The following TBC1D14 variants were observed in gnomAD, a reference collection of about 807,000 sequenced individuals.
TBC1D14 encodes TBC1 domain family, member 14.
Under a neutral mutation model 79.0 loss-of-function variants are expected in TBC1D14, and 26 were observed. That is an observed-to-expected ratio of 0.33 (90% CI 0.24 to 0.46). The LOEUF (loss-of-function observed/expected upper bound fraction) is 0.46. Among genes scored for constraint, TBC1D14 ranks in the 20% least tolerant of loss-of-function variants. The pLI is 1.00. For missense variants in TBC1D14, 769 were observed against 887.6 expected (o/e 0.87, Z 1.70); for synonymous variants, 394 against 349.9 (o/e 1.13, Z -1.40).
At chr4:6,919,875 T>C (rs1207797804) in intron 1 of TBC1D14, among the ~76,000 whole-genome samples, 2 of 152,228 alleles carry the variant, frequency 1.3e-5, no homozygotes, top group Non-Finnish European at 2.9e-5. Context: ...CGCCTTGGCC[T>C]CCCAAAGTAC....
At chr4:6,924,253 G>A (rs961862024) in intron 2 of TBC1D14, 142 bp downstream of exon 2, 2 of 1,131,056 alleles carry the variant, frequency 1.8e-6, no homozygotes, top group African/African-American at 1.9e-5. Context: ...TTTCCCAGAA[G>A]CCCGGAATCC....
Position 6,967,372 on chromosome 4 carries a change from G to C in TBC1D14, c.791G>C (p.Gly264Ala), listed in dbSNP as rs769102611. ...KHNDLGWKLF[G>A]KAPLRENAQK... ...AATGACTTGGGATGGAAGTTATTTG[G>C]GAAAGCGCCACTCCGAGAGAATGCC... The change falls in exon 3 of 14, where the codon GGG becomes GCG. Residue 264 changes from glycine (G) to alanine (A), a missense_variant. Physicochemically the swap from Gly to Ala is moderately conservative, Grantham distance 60. Coordinates refer to ENST00000409757, the MANE Select transcript of TBC1D14 (RefSeq NM_020773.3). 6.2e-6 allele frequency: 10 copies of C among 1,614,052 alleles called. No homozygotes were observed. The Admixed American group carries it at 1.7e-4, about 27-fold the overall frequency.
chr4:6,956,130 G>T (rs80270349), intron 2 of TBC1D14, among the ~76,000 whole-genome samples: 7,696 of 152,224 alleles, frequency 0.051, 289 homozygotes, highest in Non-Finnish European at 0.086. Context: ...ACAGATCATA[G>T]CCCCCCGACT....
chr4:6,946,745 C>T (rs1713507655), intron 2 of TBC1D14, among the ~76,000 whole-genome samples: 1 of 152,176 alleles, frequency 6.6e-6, no homozygotes, highest in South Asian at 2.1e-4. Flanking sequence ...TGCCTAACAT[C>T]AGGCAGCTTG....
intron 2 of TBC1D14, among the ~76,000 whole-genome samples, chr4:6,945,636 C>T (rs965519895): frequency 3.3e-5 from 5 of 151,834 alleles, no homozygotes; most frequent in African/African-American, 1.2e-4. Flanking sequence ...GTAATCCCAG[C>T]TACTCAGGAG....
intron 2 of TBC1D14, among the ~76,000 whole-genome samples, chr4:6,955,504 T>G (rs1714545654): frequency 6.6e-6 from 1 of 152,146 alleles, no homozygotes; most frequent in Non-Finnish European, 1.5e-5. Flanking sequence ...GTAACTATGC[T>G]TCAGAAAGTG....
chr4:6,912,405 T>A (rs1370569574), intron 1 of TBC1D14, among the ~76,000 whole-genome samples: 2 of 151,364 alleles, frequency 1.3e-5, no homozygotes, highest in Non-Finnish European at 2.9e-5. Flanking sequence ...ATAAAAAAAA[T>A]AAAAAAATAA....
intron 2 of TBC1D14, chr4:6,954,133 C>T (rs935210568): frequency 3.3e-6 from 2 of 602,048 alleles, no homozygotes; most frequent in Non-Finnish European, 6.0e-6. Context: ...GCCTTTCCGC[C>T]GGCCTGCTGG....
chr4:6,924,139 T>C, intron 2 of TBC1D14, 28 bp downstream of exon 2: 1 of 1,589,858 alleles, frequency 6.3e-7, no homozygotes, highest in Non-Finnish European at 8.6e-7. Flanking sequence ...CTCTAGAAGA[T>C]CGTGGTGGTT....
intron 3 of TBC1D14, among the ~76,000 whole-genome samples, chr4:6,978,738 T>TAAA (rs59534721): frequency 5.3e-4 from 58 of 108,462 alleles, no homozygotes; most frequent in South Asian, 1.2e-3. Context: ...AATGATCAAT[T>TAAA]AAAAAAAAAA....
chr4:7,017,295 C>G (rs1577178838), intron 12 of TBC1D14, among the ~76,000 whole-genome samples: 1 of 152,140 alleles, frequency 6.6e-6, no homozygotes, highest in East Asian at 1.9e-4. Flanking sequence ...GTGGGCCTCT[C>G]TCTCCAAAAC....
intron 2 of TBC1D14, among the ~76,000 whole-genome samples, chr4:6,924,658 G>T (rs1196241972): frequency 1.3e-5 from 2 of 152,162 alleles, no homozygotes; most frequent in Admixed American, 1.3e-4. Context: ...CATTCCCAAC[G>T]TGCTGGGCCT....
In TBC1D14 at chr4:6,967,132, A is replaced by C. The variant is rs184282681; in HGVS notation, c.723-172A>C. On this transcript the variant is annotated intron_variant, in intron 2 of 13. Coordinates refer to ENST00000409757, the MANE Select transcript of TBC1D14 (RefSeq NM_020773.3). ...CCAACAAAAAGTTTATTTCTGGCTT[A>C]AGGTCTTTCTCCTGCCGCGTAATTC... 3.0e-4 allele frequency among the ~76,000 whole-genome samples: 46 copies of C among 152,344 alleles called. No homozygotes were observed. In the South Asian group the frequency reaches 6.8e-3, roughly 23 times the overall value.
intron 13 of TBC1D14, among the ~76,000 whole-genome samples, chr4:7,026,105 C>A (rs1722344201): frequency 6.6e-6 from 1 of 151,662 alleles, no homozygotes; most frequent in Admixed American, 6.6e-5. Flanking sequence ...CTCCCAGGCT[C>A]AGGTGACCAT....
chr4:6,943,471 C>T (rs1443560396), intron 2 of TBC1D14, among the ~76,000 whole-genome samples: 7 of 152,220 alleles, frequency 4.6e-5, no homozygotes, highest in African/African-American at 9.7e-5. Context: ...GCCTACGGGG[C>T]GTGCAGGATC....
chr4:6,959,831 C>T (rs774881383), intron 2 of TBC1D14, among the ~76,000 whole-genome samples: 2 of 152,076 alleles, frequency 1.3e-5, no homozygotes, highest in Admixed American at 6.6e-5. Flanking sequence ...CCCGATCTTG[C>T]CAAGTTGTGT....
chr4:6,961,364 A>G (rs1715173126), intron 2 of TBC1D14, among the ~76,000 whole-genome samples: 1 of 151,490 alleles, frequency 6.6e-6, no homozygotes, highest in Non-Finnish European at 1.5e-5. Context: ...TTTGATGGGC[A>G]CTCCCCATTC....
chr4:6,990,597 T>C (rs1718389394), intron 3 of TBC1D14, among the ~76,000 whole-genome samples: 1 of 152,144 alleles, frequency 6.6e-6, no homozygotes, highest in African/African-American at 2.4e-5. Context: ...ACTTCAAAAT[T>C]TGGTCCCATG....
At chr4:6,961,540 C>A (rs946081803) in intron 2 of TBC1D14, among the ~76,000 whole-genome samples, 1 of 152,072 alleles carries the variant, frequency 6.6e-6, no homozygotes, top group Non-Finnish European at 1.5e-5. Flanking sequence ...CTCATTTAAT[C>A]CTGAGTCTCC....
Sources: gnomAD v4.1 joint callset for allele counts (sites outside exome capture counted in the v4.1 genomes callset) on GRCh38, gnomAD v4.1.1 for gene constraint, MANE v1.5 for transcripts, NCBI Gene and HGNC (gene_info 2026-07-23, HGNC 2026-07-21) for gene names.